The following PROCA1 variants were observed in gnomAD, a reference collection of about 807,000 sequenced individuals.
The protein encoded by PROCA1 is protein interacting with cyclin A1.
PROCA1 carries 22 observed loss-of-function variants against 23.2 expected under a neutral mutation model. The ratio of observed to expected loss-of-function variants is 0.95; its 90% CI spans 0.68 to 1.35. The LOEUF is 1.35. Ranked by LOEUF, PROCA1 falls within the 40% of genes most tolerant of loss-of-function variation. The pLI is 0.00. For synonymous variants in PROCA1, 182 were observed against 179.2 expected (o/e 1.02, Z -0.12); for missense variants, 469 against 459.8 (o/e 1.02, Z -0.18).
chr17:28,708,098 C>T (rs2032607780), intron 1 of PROCA1, among the ~76,000 whole-genome samples: 1 of 152,090 alleles, frequency 6.6e-6, no homozygotes, highest in African/African-American at 2.4e-5. Context: ...CACCCTCCGC[C>T]TCCCGGGTTC....
In PROCA1 at chr17:28,711,855, A is replaced by G; in HGVS notation, c.-195T>C. 1 of 515,856 alleles carries G rather than the reference A, an allele frequency of 1.9e-6. No individual in the cohort carries two copies. Among genetic ancestry groups the G allele is most frequent in the South Asian group, 2.7e-5 (1 of 36,416 alleles). 32.0% of individuals were successfully genotyped at this position (515,856 alleles called of 1,614,324 possible). A position where few individuals can be genotyped will look rare whatever the true frequency, so the allele number is the denominator to read the frequency against. On this transcript the variant is annotated 5_prime_UTR_variant, in exon 1 of 5. Transcript: ENST00000682792. Reference sequence around the variant, plus strand: ...CGGCTCCAGGCTGCGTAGTCTTCCCAGCTGGGTCTCAGCGTCAGCCGCGTT... The same window carrying G: ...CGGCTCCAGGCTGCGTAGTCTTCCCGGCTGGGTCTCAGCGTCAGCCGCGTT...
In PROCA1 at chr17:28,711,305, G is replaced by A. The variant is rs2032770309; in HGVS notation, c.91+265C>T. On this transcript the variant is annotated intron_variant, in intron 1 of 4. Coordinates refer to ENST00000682792, the MANE Select transcript of PROCA1 (RefSeq NM_001366301.1). The stretch of plus-strand genomic sequence containing the variant: ...TAGCCGAGCGTTCCAGCTCTGGCTG[G>A]AACCAGACTTCCCGCCCATCCCGCG... 7.0e-6 allele frequency: 4 copies of A among 574,612 alleles called. No homozygotes were observed. The South Asian group carries it at 1.1e-4, about 16-fold the overall frequency. The allele number at this position is 574,612 out of a possible 1,614,324, so 35.6% of individuals were successfully genotyped here.
intron 1 of PROCA1, chr17:28,710,939 C>A: frequency 1.0e-5 from 13 of 1,295,360 alleles, no homozygotes; most frequent in Non-Finnish European, 1.3e-5. Context: ...GACCTCGAGG[C>A]ACTGGGGGTG....
chr17:28,704,909 G>C, intron 2 of PROCA1, 66 bp from the exon 3 acceptor site: 1 of 1,508,128 alleles, frequency 6.6e-7, no homozygotes, highest in Non-Finnish European at 9.0e-7. Context: ...CACAGCTCAA[G>C]CTAAAACCTC....
chr17:28,706,574 C>A, intron 2 of PROCA1, 106 bp downstream of exon 2: 2 of 780,176 alleles, frequency 2.6e-6, no homozygotes, highest in Non-Finnish European at 3.8e-6. Flanking sequence ...GCTTCAGGAC[C>A]ACACTTCCCT....
intron 1 of PROCA1, among the ~76,000 whole-genome samples, chr17:28,708,604 G>C (rs2032631426): frequency 6.6e-6 from 1 of 151,960 alleles, no homozygotes; most frequent in African/African-American, 2.4e-5. Context: ...TGGGAGTCTG[G>C]GCCGGGCACG....
rs1567713267 is a variant in PROCA1, at chr17:28,704,360, A to C, written c.387T>G (p.Pro129=). The C allele has an allele frequency of 1.2e-6, 2 of 1,614,110 alleles. No homozygotes were observed. The highest frequency in any genetic ancestry group is 2.2e-5 in the East Asian group (1 of 44,880). ...GPTCSHVIES[P]CFELTPEEEH... Reference sequence around the variant, plus strand: ...CCTCCTCCGGTGTGAGCTCAAAGCAAGGGGACTCGATGACATGGGAGCAGG... The same window carrying C: ...CCTCCTCCGGTGTGAGCTCAAAGCACGGGGACTCGATGACATGGGAGCAGG... Residue 129 remains proline (P), a synonymous_variant, in exon 4 of 5, where the codon CCT becomes CCG. Coordinates refer to ENST00000682792, the MANE Select transcript of PROCA1 (RefSeq NM_001366301.1).
chr17:28,705,505 C>A, intron 2 of PROCA1: 1 of 152,816 alleles, frequency 6.5e-6, no homozygotes, highest in Non-Finnish European at 1.5e-5. Flanking sequence ...GAGCCCCAGG[C>A]TTTCGAATGA....
At chr17:28,710,759 A>G (rs1223057189) in intron 1 of PROCA1, 4 of 1,300,488 alleles carry the variant, frequency 3.1e-6, no homozygotes, top group Non-Finnish European at 4.1e-6. Flanking sequence ...GGAGTGACTG[A>G]CAACACACAC....
In PROCA1 at chr17:28,711,497, T is replaced by C. The variant is rs368983349; in HGVS notation, c.91+73A>G. ...CCGTCTCCCTCGTCGGTTTGCCGGC[T>C]TCCCGCGTGCGCCGCTCGGGGTCTG... On this transcript the variant is annotated intron_variant, in intron 1 of 4. Transcript: ENST00000682792. 593 of 1,313,682 alleles carry C rather than the reference T, an allele frequency of 4.5e-4. 6 individuals carry two copies. In the East Asian group the frequency reaches 0.013, roughly 29 times the overall value. The allele number at this position is 1,313,682 out of a possible 1,614,324, so 81.4% of individuals were successfully genotyped here. A position where few individuals can be genotyped will look rare whatever the true frequency, so the allele number is the denominator to read the frequency against.
Position 28,711,715 on chromosome 17 carries a change from G to C in PROCA1, c.-55C>G. The C allele has an allele frequency of 6.5e-7, 1 of 1,529,014 alleles. No individual in the cohort carries two copies. The highest frequency in any genetic ancestry group is 1.2e-5 in the South Asian group (1 of 85,952). 94.7% of individuals were successfully genotyped at this position (1,529,014 alleles called of 1,614,324 possible). A position where few individuals can be genotyped will look rare whatever the true frequency, so the allele number is the denominator to read the frequency against. The stretch of plus-strand genomic sequence containing the variant: ...GGACTCTTGCGTGAAGTCCAACCCT[G>C]AGCCTCAGCCCGGCCGAGCCCTCGG... On this transcript the variant is annotated 5_prime_UTR_variant, in exon 1 of 5. Coordinates refer to ENST00000682792, the MANE Select transcript of PROCA1 (RefSeq NM_001366301.1).
In PROCA1 at chr17:28,703,558, T is replaced by C. The variant is rs1343336254; in HGVS notation, c.1095A>G (p.Ter365TrpextTer9). ...SPPGSNPNLS[*>W] ...ATTCTGCACCCTGACCACCCTGGCC[T>C]CAACTGAGGTTGGGGTTTGATCCTG... Residue 365 changes from the stop codon to tryptophan, a stop_lost, in exon 5 of 5, where the codon TGA becomes TGG. Transcript: ENST00000682792. 6.2e-7 allele frequency: 1 copy of C among 1,612,750 alleles called. No homozygotes were observed. Among genetic ancestry groups the C allele is most frequent in the East Asian group, 2.2e-5 (1 of 44,866 alleles).
intron 1 of PROCA1, chr17:28,710,868 C>T: frequency 1.5e-6 from 2 of 1,303,834 alleles, no homozygotes. Context: ...ACTCAAAACT[C>T]ACAAGTTATG....
chr17:28,709,506 C>T (rs2032680706), intron 1 of PROCA1, among the ~76,000 whole-genome samples: 2 of 152,066 alleles, frequency 1.3e-5, no homozygotes, highest in Admixed American at 6.5e-5. Context: ...CCGCCCGCCT[C>T]AGCCTCCCAA....
Position 28,711,718 on chromosome 17 carries a change from C to A in PROCA1, c.-58G>T. On this transcript the variant is annotated 5_prime_UTR_variant, in exon 1 of 5. Transcript: ENST00000682792. ...CTCTTGCGTGAAGTCCAACCCTGAG[C>A]CTCAGCCCGGCCGAGCCCTCGGCCC... is the stretch of plus-strand genomic sequence containing the variant. 6.6e-7 allele frequency: 1 copy of A among 1,510,110 alleles called. No homozygotes were observed. Among genetic ancestry groups the A allele is most frequent in the Non-Finnish European group, 9.0e-7 (1 of 1,107,818 alleles). The allele number at this position is 1,510,110 out of a possible 1,614,324, so 93.5% of individuals were successfully genotyped here.
chr17:28,703,487 G>T lies in PROCA1; in HGVS notation c.*71C>A. 6.7e-7 allele frequency: 1 copy of T among 1,485,634 alleles called. No homozygotes were observed. Among genetic ancestry groups the T allele is most frequent in the South Asian group, 1.3e-5 (1 of 77,964 alleles). 92.0% of individuals were successfully genotyped at this position (1,485,634 alleles called of 1,614,324 possible). A position where few individuals can be genotyped will look rare whatever the true frequency, so the allele number is the denominator to read the frequency against. ...CCCCGCAAGAAACAGCCAGGTTGGAGGGAGAGAACAGCAGCAGAGGGCCAG... is the reference window on the plus strand; with the variant it reads ...CCCCGCAAGAAACAGCCAGGTTGGATGGAGAGAACAGCAGCAGAGGGCCAG... On this transcript the variant is annotated 3_prime_UTR_variant, in exon 5 of 5. Coordinates refer to ENST00000682792, the MANE Select transcript of PROCA1 (RefSeq NM_001366301.1).
chr17:28,710,224 C>T (rs188492419), intron 1 of PROCA1, among the ~76,000 whole-genome samples: 188 of 151,186 alleles, frequency 1.2e-3, no homozygotes, highest in Non-Finnish European at 2.1e-3. Flanking sequence ...CATGGCCAGG[C>T]GCGGTGGCTC....
chr17:28,710,138 G>A (rs145600108), intron 1 of PROCA1, among the ~76,000 whole-genome samples: 136 of 152,022 alleles, frequency 8.9e-4, no homozygotes, highest in African/African-American at 2.7e-3. Flanking sequence ...AAGTCATGCC[G>A]CTGGGACCTC....
At chr17:28,704,925 A>G (rs1279107813) in intron 2 of PROCA1, 82 bp from the exon 3 acceptor site, 6 of 1,357,638 alleles carry the variant, frequency 4.4e-6, no homozygotes, top group Non-Finnish European at 6.1e-6. Flanking sequence ...ACCTCACCAA[A>G]TTCACCTGCC....
Sources: allele counts gnomAD v4.1 joint callset (sites outside exome capture counted in the v4.1 genomes callset), GRCh38; gene constraint gnomAD v4.1.1; transcripts MANE v1.5; gene names NCBI Gene and HGNC (gene_info 2026-07-23, HGNC 2026-07-21).